PHF13: variants seen among roughly 807,000 people sequenced by gnomAD.
PHF13 encodes PHD zinc finger protein PHF5.
PHF13 carries 1 observed loss-of-function variant against 25.8 expected under a neutral mutation model. That is an observed-to-expected ratio of 0.04 (90% CI 0.01 to 0.18). The LOEUF is 0.18. Among genes scored for constraint, PHF13 ranks in the 10% least tolerant of loss-of-function variants. The probability of loss-of-function intolerance (pLI) is 1.00; values close to 1 mark genes in which losing one functional copy is unlikely to be tolerated. For missense variants in PHF13, 306 were observed against 403.2 expected, an observed-to-expected ratio of 0.76 and a Z score of 2.06; for synonymous variants, 195 against 162.4, an observed-to-expected ratio of 1.20 and a Z score of -1.53.
At position 6,620,138 on chromosome 1, in the gene PHF13, T is replaced by G; in HGVS notation, c.477T>G (p.Asp159Glu). ...CCCCCACGAGTCCCACCTTGCAGGA[T>G]ATCCCCCAGGCTCCCAGCGACCCCT... ...VETPTSPTLQ[D>E]IPQAPSDPCS... The change falls in exon 3 of 4, where the codon GAT becomes GAG. Residue 159 changes from aspartate (D) to glutamate (E), a missense_variant. By Grantham distance (45) the Asp-to-Glu change is conservative (BLOSUM62 2). This residue lies in a region of PHF13 where 186 missense variants were observed against 164.0 expected (regional missense o/e 1.13). Coordinates refer to ENST00000377648, the MANE Select transcript of PHF13 (RefSeq NM_153812.3). 6.2e-7 allele frequency: 1 copy of G among 1,613,760 alleles called. No homozygotes were observed.
Position 6,613,993 on chromosome 1 carries a change from C to T in PHF13, c.-74C>T, listed in dbSNP as rs999745504. 1.7e-6 allele frequency: 2 copies of T among 1,189,076 alleles called. No homozygotes were observed. The highest frequency in any genetic ancestry group is 2.4e-6 in the Non-Finnish European group (2 of 830,198). 73.7% of individuals were successfully genotyped at this position (1,189,076 alleles called of 1,614,324 possible). A position where few individuals can be genotyped will look rare whatever the true frequency, so the allele number is the denominator to read the frequency against. ...TCGCCCTGCGCAGCCGCCCGAGCCC[C>T]CAGCCCCGGGCGGCCCCGCTCCAGC... On this transcript the variant is annotated 5_prime_UTR_variant, in exon 1 of 4. Coordinates refer to ENST00000377648, the MANE Select transcript of PHF13 (RefSeq NM_153812.3).
chr1:6,618,834 A>G (rs1310457522), intron 2 of PHF13, among the ~76,000 whole-genome samples: 1 of 151,782 alleles, frequency 6.6e-6, no homozygotes, highest in African/African-American at 2.4e-5. Flanking sequence ...TTTGGTAGAG[A>G]GGGGGTTTCA....
In PHF13 at chr1:6,621,592, T is replaced by C; in HGVS notation, c.858T>C (p.Arg286=). 1.2e-6 allele frequency: 2 copies of C among 1,614,160 alleles called. No individual in the cohort carries two copies. Among genetic ancestry groups the C allele is most frequent in the Non-Finnish European group, 8.5e-7 (1 of 1,180,030 alleles). Residue 286 remains arginine (R), a synonymous_variant, in exon 4 of 4, where the codon CGT becomes CGC. Transcript: ENST00000377648. The surrounding 1 kb of genome is among the most constrained non-coding windows in gnomAD (Gnocchi z 4.8). ...GGGACTCCAAGTTTGACATCCGCCG[T>C]TCCAACCGCTCGCGGACGGGCTCCC... ...KCRDSKFDIR[R]SNRSRTGSRK...
chr1:6,613,903 C>G lies in PHF13; in HGVS notation c.-164C>G, dbSNP rs1305243607. ...GAACCGCCAGTCCGGGGTCACAGAG[C>G]TTGAGAAGCGACGCGCTGAGCCCCC... is the stretch of plus-strand genomic sequence containing the variant. On this transcript the variant is annotated 5_prime_UTR_variant, in exon 1 of 4. Transcript: ENST00000377648. 1 of 543,100 alleles carries G rather than the reference C, an allele frequency of 1.8e-6. No homozygotes were observed. Among genetic ancestry groups the G allele is most frequent in the Admixed American group, 4.0e-5 (1 of 24,726 alleles). 33.6% of individuals were successfully genotyped at this position (543,100 alleles called of 1,614,324 possible).
At chr1:6,614,232 C>G in intron 1 of PHF13, 127 bp downstream of exon 1, 1 of 736,664 alleles carries the variant, frequency 1.4e-6, no homozygotes, top group East Asian at 3.2e-5. Context: ...CCTCGTCGGC[C>G]CCCCCGGGAG....
At chr1:6,618,645 T>A (rs1450073124) in intron 2 of PHF13, among the ~76,000 whole-genome samples, 1 of 152,142 alleles carries the variant, frequency 6.6e-6, no homozygotes, top group African/African-American at 2.4e-5. Context: ...TTCTTTTCTT[T>A]CTTTTTTTCT....
At chr1:6,616,374 G>C (rs1570224309) in intron 1 of PHF13, among the ~76,000 whole-genome samples, 1 of 152,148 alleles carries the variant, frequency 6.6e-6, no homozygotes, top group Non-Finnish European at 1.5e-5. Context: ...TCCAGCTGCT[G>C]CTGCAGCAGT....
Position 6,621,938 on chromosome 1 carries a change from T to C in PHF13, c.*301T>C, listed in dbSNP as rs560970003. ...TGAGGGTCCGTGGTAGCTGTGCGTT[T>C]TGCTATCATTGCTAAGAGATTCCCG... On this transcript the variant is annotated 3_prime_UTR_variant, in exon 4 of 4. Transcript: ENST00000377648. This position sits in a 1 kb window ranked among gnomAD's most constrained non-coding sequence, Gnocchi z 4.8. 1.5e-4 allele frequency: 69 copies of C among 449,832 alleles called. No homozygotes were observed. Among genetic ancestry groups the C allele is most frequent in the South Asian group, 1.4e-3 (64 of 45,340 alleles). 27.9% of individuals were successfully genotyped at this position (449,832 alleles called of 1,614,324 possible). A position where few individuals can be genotyped will look rare whatever the true frequency, so the allele number is the denominator to read the frequency against.
intron 1 of PHF13, chr1:6,614,315 G>C: frequency 1.9e-6 from 1 of 526,176 alleles, no homozygotes; most frequent in African/African-American, 2.2e-5. Context: ...TCCCCTCCGC[G>C]GACCTCCGCG....
intron 2 of PHF13, 108 bp downstream of exon 2, chr1:6,616,966 G>A: frequency 1.1e-6 from 1 of 896,268 alleles, no homozygotes; most frequent in Non-Finnish European, 1.8e-6. Context: ...GGTTTGGAAG[G>A]GGCTGCTTGT....
rs116799550 is a variant in PHF13 at position 6,620,192 on chromosome 1, G to T, written c.531G>T (p.Ser177=). The T allele has an allele frequency of 2.5e-6, 4 of 1,613,932 alleles. No individual in the cohort carries two copies. The highest frequency in any genetic ancestry group is 3.4e-6 in the Non-Finnish European group (4 of 1,180,014). ...PCSGWDSDTP[S]SGSCATVSPD... ...CGGGCTGGGACTCCGATACTCCCTC[G>T]AGTGGATCTTGTGCCACTGTGTCAC... The change falls in exon 3 of 4, where the codon TCG becomes TCT. Residue 177 remains serine, a synonymous_variant. Transcript: ENST00000377648.
At chr1:6,614,590 G>T (rs1030803790) in intron 1 of PHF13, 12 of 151,188 alleles carry the variant, frequency 7.9e-5, no homozygotes, top group African/African-American at 2.9e-4. Context: ...GGGCCCGGTG[G>T]CCCGCGCCCC....
rs1345357592 is a variant in PHF13, at chr1:6,622,235, G to T, written c.*598G>T. 6.2e-6 allele frequency: 1 copy of T among 161,458 alleles called. No individual in the cohort carries two copies. The highest frequency in any genetic ancestry group is 1.4e-5 in the Non-Finnish European group (1 of 72,322). The allele number at this position is 161,458 out of a possible 1,614,324, so 10.0% of individuals were successfully genotyped here. On this transcript the variant is annotated 3_prime_UTR_variant, in exon 4 of 4. Coordinates refer to ENST00000377648, the MANE Select transcript of PHF13 (RefSeq NM_153812.3). The stretch of plus-strand genomic sequence containing the variant: ...AGGGCGCTGGGCTGGCGGGTCAGCT[G>T]GTGGTTCTTAGGTTTCCTTCTGTTT...
chr1:6,618,018 T>C (rs1232887604), intron 2 of PHF13, among the ~76,000 whole-genome samples: 1 of 152,172 alleles, frequency 6.6e-6, no homozygotes, highest in Admixed American at 6.5e-5. Context: ...GGCTGCAACT[T>C]GATGTAGATG....
intron 2 of PHF13, among the ~76,000 whole-genome samples, chr1:6,619,288 G>A (rs891435931): frequency 6.6e-6 from 1 of 152,064 alleles, no homozygotes; most frequent in East Asian, 1.9e-4. Context: ...ATGGGGCTGA[G>A]GGTTCAGCAG....
At position 6,620,465 on chromosome 1, in the gene PHF13, C is replaced by T. The variant is rs1317518494; in HGVS notation, c.676+128C>T. On this transcript the variant is annotated intron_variant, in intron 3 of 3. Transcript: ENST00000377648. ...CCGTAGAGTGTGACAGCCCCACTGT[C>T]CAAGGAGGAGAAAAGCTGCAGGAAT... 8.4e-6 allele frequency: 9 copies of T among 1,073,402 alleles called. No individual in the cohort carries two copies. In the Admixed American group the frequency reaches 1.4e-4, roughly 17 times the overall value. The allele number at this position is 1,073,402 out of a possible 1,614,324, so 66.5% of individuals were successfully genotyped here. A position where few individuals can be genotyped will look rare whatever the true frequency, so the allele number is the denominator to read the frequency against.
Position 6,621,777 on chromosome 1 carries a change from G to C in PHF13, c.*140G>C. 1 of 820,536 alleles carries C rather than the reference G, an allele frequency of 1.2e-6. No individual in the cohort carries two copies. Among genetic ancestry groups the C allele is most frequent in the South Asian group, 1.6e-5 (1 of 61,990 alleles). 50.8% of individuals were successfully genotyped at this position (820,536 alleles called of 1,614,324 possible). On this transcript the variant is annotated 3_prime_UTR_variant, in exon 4 of 4. Coordinates refer to ENST00000377648, the MANE Select transcript of PHF13 (RefSeq NM_153812.3). This position sits in a 1 kb window ranked among gnomAD's most constrained non-coding sequence, Gnocchi z 4.8. ...TTTAGGTGCCTAAGCAAAAGGACAG[G>C]CTGTCCAAGGTAGAAACTGTACATA...
At chr1:6,619,688 C>A in intron 2 of PHF13, 115 bp from the exon 3 acceptor site, 2 of 1,105,894 alleles carry the variant, frequency 1.8e-6, no homozygotes, top group Non-Finnish European at 1.3e-6. Flanking sequence ...GGCAGAGAAG[C>A]TCAAAGTTGT....
At position 6,616,789 on chromosome 1, in the gene PHF13, C is replaced by T. The variant is rs142057265; in HGVS notation, c.72C>T (p.Thr24=). ...CCCCCAGTTGCAAGAGGCGCAGGAC[C>T]GTGGAAGACTTCAACAAATTCTGCA... ...EYSPSCKRRR[T]VEDFNKFCTF... is the part of the protein sequence containing the mutation. The change falls in exon 2 of 4, where the codon ACC becomes ACT. Residue 24 remains threonine (T), a synonymous_variant. Transcript: ENST00000377648. 29 of 1,614,034 alleles carry T rather than the reference C, an allele frequency of 1.8e-5. No homozygotes were observed. Among genetic ancestry groups the T allele is most frequent in the African/African-American group, 5.3e-5 (4 of 74,920 alleles).
Sources: allele counts gnomAD v4.1 joint callset (sites outside exome capture counted in the v4.1 genomes callset), GRCh38; gene constraint gnomAD v4.1.1; regional missense constraint gnomAD v4.1.1; non-coding constraint Gnocchi (gnomAD v3.1); transcripts MANE v1.5; gene names NCBI Gene and HGNC (gene_info 2026-07-23, HGNC 2026-07-21).